The following WWC1 variants were observed in gnomAD, a reference collection of about 807,000 sequenced individuals.
The protein encoded by WWC1 is WW and C2 domain containing 1.
Under a neutral mutation model 138.4 loss-of-function variants are expected in WWC1, and 55 were observed. The observed-to-expected ratio is 0.40, with a 90% CI of 0.32 to 0.50. The LOEUF (loss-of-function observed/expected upper bound fraction) is 0.50. Among genes scored for constraint, WWC1 ranks in the 20% least tolerant of loss-of-function variants. The probability of loss-of-function intolerance (pLI) is 0.72; values close to 1 mark genes in which losing one functional copy is unlikely to be tolerated. For missense variants in WWC1, 1,226 were observed against 1,420.4 expected (o/e 0.86, Z 2.20); for synonymous variants, 524 against 564.9 (o/e 0.93, Z 1.03).
intron 1 of WWC1, among the ~76,000 whole-genome samples, chr5:168,364,598 C>T (rs1776141988): frequency 1.3e-5 from 2 of 152,288 alleles, no homozygotes; most frequent in Admixed American, 6.5e-5. Context: ...CCTCGTAGTG[C>T]CTAGCATGGG....
chr5:168,417,059 G>A (rs866782308), intron 9 of WWC1, among the ~76,000 whole-genome samples: 14 of 152,178 alleles, frequency 9.2e-5, no homozygotes, highest in African/African-American at 3.1e-4. Flanking sequence ...TAGAGGTGGG[G>A]TTTCACCATG....
At chr5:168,351,706 A>G (rs1774973076) in intron 1 of WWC1, among the ~76,000 whole-genome samples, 1 of 152,184 alleles carries the variant, frequency 6.6e-6, no homozygotes, top group Non-Finnish European at 1.5e-5. Context: ...AGCCCAGGCA[A>G]AGAGGAAACG....
intron 1 of WWC1, among the ~76,000 whole-genome samples, chr5:168,298,492 C>G (rs978978019): frequency 1.3e-5 from 2 of 152,126 alleles, no homozygotes; most frequent in Non-Finnish European, 2.9e-5. Flanking sequence ...GGCTTTTTAT[C>G]TTTTTCTGAG....
chr5:168,442,117 AAG>A (rs1754825251), intron 16 of WWC1, among the ~76,000 whole-genome samples: 1 of 152,226 alleles, frequency 6.6e-6, no homozygotes, highest in Non-Finnish European at 1.5e-5. Context: ...TTTACAAATG[AAG>A]TGGAGAAGAA....
At chr5:168,335,072 T>A (rs566163158) in intron 1 of WWC1, among the ~76,000 whole-genome samples, 1 of 152,190 alleles carries the variant, frequency 6.6e-6, no homozygotes, top group South Asian at 2.1e-4. Flanking sequence ...GGTGCAATCA[T>A]GCAACACATT....
At chr5:168,409,705 A>G (rs1487225366) in intron 7 of WWC1, among the ~76,000 whole-genome samples, 1 of 152,146 alleles carries the variant, frequency 6.6e-6, no homozygotes, top group East Asian at 1.9e-4. Context: ...TTTCAAAGTG[A>G]TCGATGTCTG....
chr5:168,291,774 G>GCGGCAGC lies in WWC1; in HGVS notation c.-378_-372dup. 6.5e-6 allele frequency: 1 copy of GCGGCAGC among 153,034 alleles called. No individual in the cohort carries two copies. Among genetic ancestry groups the GCGGCAGC allele is most frequent in the South Asian group, 1.8e-4 (1 of 5,680 alleles). 9.5% of individuals were successfully genotyped at this position (153,034 alleles called of 1,614,324 possible). A position where few individuals can be genotyped will look rare whatever the true frequency, so the allele number is the denominator to read the frequency against. ...GCACCCGGCTGCAGGGAGGAGGGAG[G>GCGGCAGC]CGGCAGCGGCAGCGGCGGCGTGGAG... On this transcript the variant is annotated 5_prime_UTR_variant, in exon 1 of 23. Transcript: ENST00000265293.
intron 3 of WWC1, among the ~76,000 whole-genome samples, chr5:168,393,190 G>A (rs1778636936): frequency 6.6e-6 from 1 of 152,162 alleles, no homozygotes; most frequent in Admixed American, 6.5e-5. Context: ...AGAGGAAACA[G>A]AGGAGAAAAG....
intron 3 of WWC1, among the ~76,000 whole-genome samples, chr5:168,391,824 G>A (rs1272989919): frequency 7.3e-6 from 1 of 137,266 alleles, no homozygotes; most frequent in Non-Finnish European, 1.5e-5. Context: ...AGAAAGAACA[G>A]CAATAAAATT....
intron 1 of WWC1, among the ~76,000 whole-genome samples, chr5:168,322,036 C>T (rs188924139): frequency 8.2e-4 from 125 of 152,234 alleles, no homozygotes; most frequent in Non-Finnish European, 1.2e-3. Flanking sequence ...AGGAGATCTG[C>T]GAGGTCAAAG....
chr5:168,372,677 A>G (rs903731570), intron 2 of WWC1, among the ~76,000 whole-genome samples: 4 of 152,224 alleles, frequency 2.6e-5, no homozygotes, highest in African/African-American at 9.6e-5. Context: ...AAAATGTGGC[A>G]GGGCTGGGAT....
rs1380018213 is a variant in WWC1 at position 168,403,004 on chromosome 5, CTTTTTCTTTCTTTCTTTCTTTCTT to C, written c.591-3192_591-3169del. Reference sequence around the variant, plus strand: ...TTAGCAGCCAAAAGCTCTGTTGTTTCTTTTTCTTTCTTTCTTTCTTTCTTTCTTTCTTTCTTTCTTTCTTTCTTT... The same window carrying C: ...TTAGCAGCCAAAAGCTCTGTTGTTTCTCTTTCTTTCTTTCTTTCTTTCTTT... On this transcript the variant is annotated intron_variant, in intron 5 of 22. Coordinates refer to ENST00000265293, the MANE Select transcript of WWC1 (RefSeq NM_015238.3). Among the ~76,000 whole-genome samples, 28 of 125,506 alleles carry C rather than the reference CTTTTTCTTTCTTTCTTTCTTTCTT, an allele frequency of 2.2e-4. No individual in the cohort carries two copies. In the South Asian group the frequency reaches 4.4e-3, roughly 20 times the overall value. 82.3% of individuals were successfully genotyped at this position (125,506 alleles called of 152,430 possible).
At chr5:168,444,309 G>A (rs2152874355) in intron 16 of WWC1, among the ~76,000 whole-genome samples, 185 bp from the exon 17 acceptor site, 1 of 152,370 alleles carries the variant, frequency 6.6e-6, no homozygotes, top group Admixed American at 6.5e-5. Flanking sequence ...AGAACTGCTA[G>A]TTGAAGGAAT....
At chr5:168,401,867 G>T (rs1050586089) in intron 5 of WWC1, among the ~76,000 whole-genome samples, 1 of 152,130 alleles carries the variant, frequency 6.6e-6, no homozygotes, top group African/African-American at 2.4e-5. Flanking sequence ...TATAAGCTTA[G>T]AAAATGCCTA....
intron 15 of WWC1, among the ~76,000 whole-genome samples, chr5:168,436,195 C>G (rs1782339352): frequency 6.6e-6 from 1 of 152,130 alleles, no homozygotes; most frequent in African/African-American, 2.4e-5. Flanking sequence ...CAGGGAGCTC[C>G]TTGTTACCAG....
At chr5:168,299,848 G>A (rs1430869593) in intron 1 of WWC1, among the ~76,000 whole-genome samples, 1 of 152,220 alleles carries the variant, frequency 6.6e-6, no homozygotes, top group African/African-American at 2.4e-5. Context: ...TGCAGGGAAT[G>A]CCGACCTAAT....
At chr5:168,406,118 T>C in intron 5 of WWC1, 80 bp from the exon 6 acceptor site, 4 of 1,544,646 alleles carry the variant, frequency 2.6e-6, no homozygotes, top group Non-Finnish European at 3.5e-6. Context: ...ACTGAAGTCC[T>C]GTGGTCTGTG....
intron 22 of WWC1, 109 bp downstream of exon 22, chr5:168,468,073 T>C: frequency 1.3e-6 from 2 of 1,526,388 alleles, no homozygotes. Flanking sequence ...GAGCACTGGC[T>C]TTCCCTGTAA....
At chr5:168,392,962 A>C (rs1259060133) in intron 3 of WWC1, among the ~76,000 whole-genome samples, 2 of 152,116 alleles carry the variant, frequency 1.3e-5, no homozygotes, top group Non-Finnish European at 2.9e-5. Context: ...ACACGGTACT[A>C]CATTGTTTAA....
Sources: allele counts gnomAD v4.1 joint callset (sites outside exome capture counted in the v4.1 genomes callset), GRCh38; gene constraint gnomAD v4.1.1; transcripts MANE v1.5; gene names NCBI Gene and HGNC (gene_info 2026-07-23, HGNC 2026-07-21).